BBS5: variants seen among roughly 807,000 people sequenced by gnomAD.
The protein encoded by BBS5 is Bardet-Biedl syndrome 5.
In BBS5, 39 loss-of-function variants were observed where a neutral mutation model predicts 50.2. The observed-to-expected ratio is 0.78, with a 90% CI of 0.60 to 1.01. The LOEUF (loss-of-function observed/expected upper bound fraction) is 1.01. BBS5 is among the 50% of genes least tolerant of loss of function. The pLI is 0.00. For missense variants in BBS5, 356 were observed against 401.5 expected, an observed-to-expected ratio of 0.89 and a Z score of 0.97; for synonymous variants, 134 against 133.1, an observed-to-expected ratio of 1.01 and a Z score of -0.05.
chr2:169,500,944 T>A (rs1683790537), intron 9 of BBS5, among the ~76,000 whole-genome samples: 1 of 152,228 alleles, frequency 6.6e-6, no homozygotes, highest in Non-Finnish European at 1.5e-5. Flanking sequence ...ACTGTAGATC[T>A]TTCCTTCTGA....
At chr2:169,488,464 A>C (rs189933886) in intron 5 of BBS5, among the ~76,000 whole-genome samples, 7 of 152,356 alleles carry the variant, frequency 4.6e-5, no homozygotes, top group Admixed American at 3.9e-4. Flanking sequence ...TGCAATTCAC[A>C]GTAGGGTTTG....
chr2:169,493,082 T>G (rs1263256367), intron 6 of BBS5, 73 bp downstream of exon 6: 4 of 1,521,002 alleles, frequency 2.6e-6, no homozygotes, highest in Non-Finnish European at 3.6e-6. Flanking sequence ...TCATTGGATT[T>G]ATATAGTCAA....
Position 169,479,551 on chromosome 2 carries a change from A to C in BBS5, c.-3A>C. On this transcript the variant is annotated 5_prime_UTR_variant, in exon 1 of 12. Coordinates refer to ENST00000295240, the MANE Select transcript of BBS5 (RefSeq NM_152384.3). ...AGAGATCCTGCCACGGGCCTTGTTCACCATGTCGGTGCTGGATGCGCTTTG... is the reference window on the plus strand; with the variant it reads ...AGAGATCCTGCCACGGGCCTTGTTCCCCATGTCGGTGCTGGATGCGCTTTG... The C allele has an allele frequency of 6.2e-7, 1 of 1,614,082 alleles. No homozygotes were observed. Among genetic ancestry groups the C allele is most frequent in the Non-Finnish European group, 8.5e-7 (1 of 1,179,976 alleles).
Position 169,503,163 on chromosome 2 carries a change from C to T in BBS5, c.885C>T (p.His295=), listed in dbSNP as rs752240452. Reference sequence around the variant, plus strand: ...ATGTAGAAATAGACTCTGATGGTCACACGGATGCTTTTGTGGTGAGCATCA... The same window carrying T: ...ATGTAGAAATAGACTCTGATGGTCATACGGATGCTTTTGTGGTGAGCATCA... ...QDDVEIDSDG[H]TDAFVAYFAD... The change falls in exon 10 of 12, where the codon CAC becomes CAT. Residue 295 remains histidine, a synonymous_variant. Transcript: ENST00000295240. 3 of 1,613,120 alleles carry T rather than the reference C, an allele frequency of 1.9e-6. No homozygotes were observed. In the South Asian group the frequency reaches 3.3e-5, roughly 18 times the overall value.
chr2:169,494,919 T>C (rs1289165479), intron 7 of BBS5, among the ~76,000 whole-genome samples: 1 of 152,208 alleles, frequency 6.6e-6, no homozygotes, highest in Non-Finnish European at 1.5e-5. Flanking sequence ...AGGAAAGAAT[T>C]CCTGGCCCAT....
At chr2:169,502,053 C>T (rs1683814771) in intron 9 of BBS5, among the ~76,000 whole-genome samples, 2 of 152,114 alleles carry the variant, frequency 1.3e-5, no homozygotes, top group African/African-American at 4.8e-5. Flanking sequence ...CTCTCTCCTT[C>T]CTCCCTTCCT....
chr2:169,492,079 G>A (rs1683610854), intron 5 of BBS5, among the ~76,000 whole-genome samples: 1 of 152,128 alleles, frequency 6.6e-6, no homozygotes, highest in East Asian at 1.9e-4. Context: ...TTACAGGTAT[G>A]AACCACTGTG....
chr2:169,505,874 G>C lies in BBS5; in HGVS notation c.*1292G>C, dbSNP rs1683906834. On this transcript the variant is annotated 3_prime_UTR_variant, in exon 12 of 12. Transcript: ENST00000295240. ...GCCAGCCGCCCCGTCCGGGAGGTGA[G>C]GGGCGCCTCTGCCCAGCTGCCCCTA... is the stretch of plus-strand genomic sequence containing the variant. 1 of 156,744 alleles carries C rather than the reference G, an allele frequency of 6.4e-6. No individual in the cohort carries two copies. The highest frequency in any genetic ancestry group is 6.5e-5 in the Admixed American group (1 of 15,274). The allele number at this position is 156,744 out of a possible 1,614,324, so 9.7% of individuals were successfully genotyped here. A position where few individuals can be genotyped will look rare whatever the true frequency, so the allele number is the denominator to read the frequency against.
chr2:169,482,358 T>TA, intron 2 of BBS5, 25 bp downstream of exon 2: 1 of 1,376,226 alleles, frequency 7.3e-7, no homozygotes, highest in Non-Finnish European at 1.0e-6. Context: ...AAATGTATCT[T>TA]ATATTCCTGG....
rs10646618 is a variant in BBS5 at position 169,481,623 on chromosome 2, G to GTTT, written c.60-619_60-617dup. Among the ~76,000 whole-genome samples the GTTT allele has an allele frequency of 8.5e-4, 127 of 149,400 alleles. No homozygotes were observed. In the East Asian group the frequency reaches 0.013, roughly 16 times the overall value. On this transcript the variant is annotated intron_variant, in intron 1 of 11. Coordinates refer to ENST00000295240, the MANE Select transcript of BBS5 (RefSeq NM_152384.3). Reference sequence around the variant, plus strand: ...AAGGCTCTTTTAGATATTTTGCTAGGTTTTTTTTTTTGGACACTGTAGAAT... The same window carrying GTTT: ...AAGGCTCTTTTAGATATTTTGCTAGGTTTTTTTTTTTTTTGGACACTGTAGAAT...
chr2:169,480,022 G>A (rs962426732), intron 1 of BBS5, among the ~76,000 whole-genome samples: 3 of 152,206 alleles, frequency 2.0e-5, no homozygotes, highest in East Asian at 1.9e-4. Flanking sequence ...AAGTAGATGT[G>A]TAATATCGAC....
rs1390019455 is a variant in BBS5, at chr2:169,506,608, T to TA, written c.*2028dup. 6.6e-6 allele frequency: 1 copy of TA among 152,300 alleles called. No individual in the cohort carries two copies. Among genetic ancestry groups the TA allele is most frequent in the Non-Finnish European group, 1.5e-5 (1 of 68,118 alleles). 9.4% of individuals were successfully genotyped at this position (152,300 alleles called of 1,614,324 possible). A position where few individuals can be genotyped will look rare whatever the true frequency, so the allele number is the denominator to read the frequency against. ...CTGTAAAGTCTTAGTTTTCAGACAT[T>TA]AAGTGACTGTATCATGTTCGGTTTA... On this transcript the variant is annotated 3_prime_UTR_variant, in exon 12 of 12. Coordinates refer to ENST00000295240, the MANE Select transcript of BBS5 (RefSeq NM_152384.3).
Position 169,499,736 on chromosome 2 carries a change from T to C in BBS5, c.816+116T>C, listed in dbSNP as rs1683764735. On this transcript the variant is annotated intron_variant, in intron 9 of 11. Coordinates refer to ENST00000295240, the MANE Select transcript of BBS5 (RefSeq NM_152384.3). ...TGAACTGTTTTTAAAATGGTGAATA[T>C]ACAGATTCTGCTCAAGTGGGCATAG... 5.4e-6 allele frequency: 6 copies of C among 1,102,306 alleles called. No homozygotes were observed. The African/African-American group carries it at 6.2e-5, about 11-fold the overall frequency. The allele number at this position is 1,102,306 out of a possible 1,614,324, so 68.3% of individuals were successfully genotyped here.
chr2:169,504,265 T>G lies in BBS5; in HGVS notation c.901-38T>G, dbSNP rs760037455. 2.5e-6 allele frequency: 4 copies of G among 1,586,120 alleles called. No individual in the cohort carries two copies. In the Admixed American group the frequency reaches 5.0e-5, roughly 20 times the overall value. ...CCCACTGATCTATTCGAATATTATATGTCCAGTTTGTGAAATAGAATTTTC... is the reference window on the plus strand; with the variant it reads ...CCCACTGATCTATTCGAATATTATAGGTCCAGTTTGTGAAATAGAATTTTC... On this transcript the variant is annotated intron_variant, in intron 10 of 11. Transcript: ENST00000295240.
At chr2:169,500,204 AT>A (rs1247561928) in intron 9 of BBS5, among the ~76,000 whole-genome samples, 6 of 151,976 alleles carry the variant, frequency 3.9e-5, no homozygotes, top group African/African-American at 1.5e-4. Flanking sequence ...TTTTGGCTTC[AT>A]TTGTCTCTCC....
rs770283034 is a variant in BBS5 at position 169,505,104 on chromosome 2, G to A, written c.*522G>A. ...CGAGTGCCTGCGATTACAGGCGCGC[G>A]CCGCCACACCTGACTGGTTTTCGTA... On this transcript the variant is annotated 3_prime_UTR_variant, in exon 12 of 12. Transcript: ENST00000295240. The A allele has an allele frequency of 1.8e-3, 1,742 of 978,348 alleles. 8 individuals carry two copies. The highest frequency in any genetic ancestry group is 2.3e-3 in the Non-Finnish European group (1,479 of 631,154). 60.6% of individuals were successfully genotyped at this position (978,348 alleles called of 1,614,324 possible).
At chr2:169,493,663 G>A in intron 6 of BBS5, 78 bp from the exon 7 acceptor site, 1 of 1,010,422 alleles carries the variant, frequency 9.9e-7, no homozygotes, top group African/African-American at 1.6e-5. Context: ...GCTGTAATAA[G>A]TTATTCTGGT....
chr2:169,479,564 T>C lies in BBS5; in HGVS notation c.11T>C (p.Leu4Pro), dbSNP rs752716123. MSVLDALWEDRDVR... is the reference protein window; with the variant it reads MSVPDALWEDRDVR... ...CGGGCCTTGTTCACCATGTCGGTGCTGGATGCGCTTTGGGAGGATCGGGAT... is the reference window on the plus strand; with the variant it reads ...CGGGCCTTGTTCACCATGTCGGTGCCGGATGCGCTTTGGGAGGATCGGGAT... Residue 4 changes from leucine to proline, a missense_variant, in exon 1 of 12, where the codon CTG (leucine) becomes CCG (proline). By Grantham distance (98) the Leu-to-Pro change is moderately conservative. Transcript: ENST00000295240. The C allele has an allele frequency of 2.5e-6, 4 of 1,614,178 alleles. No individual in the cohort carries two copies. The East Asian group carries it at 8.9e-5, about 36-fold the overall frequency.
Position 169,505,010 on chromosome 2 carries a change from G to A in BBS5, c.*428G>A, listed in dbSNP as rs1683879182. On this transcript the variant is annotated 3_prime_UTR_variant, in exon 12 of 12. Coordinates refer to ENST00000295240, the MANE Select transcript of BBS5 (RefSeq NM_152384.3). ...AGAACTTCTTCCCAAAATGGCCGAA[G>A]CTGGACTGTACTGCTGCCATCTCTG... 1.2e-6 allele frequency: 2 copies of A among 1,604,580 alleles called. No homozygotes were observed. Among genetic ancestry groups the A allele is most frequent in the African/African-American group, 2.7e-5 (2 of 74,770 alleles).
Sources: gnomAD v4.1 joint callset for allele counts (sites outside exome capture counted in the v4.1 genomes callset) on GRCh38, gnomAD v4.1.1 for gene constraint, MANE v1.5 for transcripts, NCBI Gene and HGNC (gene_info 2026-07-23, HGNC 2026-07-21) for gene names.